The following SLC3A1 variants were observed in gnomAD, a reference collection of about 807,000 sequenced individuals.
SLC3A1 encodes amino acid transporter heavy chain SLC3A1.
A neutral mutation model predicts 60.3 loss-of-function variants in SLC3A1; 78 were observed. The ratio of observed to expected loss-of-function variants is 1.29; its 90% CI spans 1.08 to 1.56. SLC3A1 has a LOEUF of 1.56. SLC3A1 is among the 40% of genes most tolerant of loss of function. The pLI is 0.00. For missense variants in SLC3A1, 1,172 were observed against 858.9 expected (o/e 1.36, Z -4.56); for synonymous variants, 392 against 307.9 (o/e 1.27, Z -2.86).
At chr2:44,299,932 T>G (rs761568974) in intron 4 of SLC3A1, 39 bp from the exon 5 acceptor site, 2 of 1,610,092 alleles carry the variant, frequency 1.2e-6, no homozygotes, top group Non-Finnish European at 1.7e-6. Context: ...GATAATAACG[T>G]AGTTAATGTA....
At chr2:44,283,004 C>A (rs1223767985) in intron 3 of SLC3A1, among the ~76,000 whole-genome samples, 1 of 152,016 alleles carries the variant, frequency 6.6e-6, no homozygotes, top group African/African-American at 2.4e-5. Flanking sequence ...GATCTGAATT[C>A]AGATGTAACT....
intron 4 of SLC3A1, among the ~76,000 whole-genome samples, chr2:44,296,574 A>C (rs1249076945): frequency 1.3e-5 from 2 of 152,172 alleles, no homozygotes. Context: ...CTTAGGCATA[A>C]AAAATTGATT....
intron 8 of SLC3A1, 105 bp from the exon 9 acceptor site, chr2:44,313,730 G>T: frequency 5.1e-6 from 5 of 974,944 alleles, no homozygotes; most frequent in East Asian, 2.4e-5. Context: ...ACAAACACTA[G>T]CTAAGAACTA....
chr2:44,303,842 G>T (rs997995257), intron 6 of SLC3A1: 25 of 544,214 alleles, frequency 4.6e-5, no homozygotes, highest in Middle Eastern at 4.9e-4. Context: ...TTGGTTTTCT[G>T]TCCTTGTGAT....
At chr2:44,312,005 G>A (rs1672310456) in intron 7 of SLC3A1, among the ~76,000 whole-genome samples, 1 of 152,106 alleles carries the variant, frequency 6.6e-6, no homozygotes, top group African/African-American at 2.4e-5. Flanking sequence ...GAGTTGTCAG[G>A]TGATTTAAAT....
rs539472915 is a variant in SLC3A1 at position 44,291,267 on chromosome 2, C to T, written c.891+5110C>T. Among the ~76,000 whole-genome samples the T allele has an allele frequency of 2.6e-5, 4 of 152,296 alleles. No individual in the cohort carries two copies. The South Asian group carries it at 8.3e-4, about 32-fold the overall frequency. On this transcript the variant is annotated intron_variant, in intron 4 of 9. Coordinates refer to ENST00000260649, the MANE Select transcript of SLC3A1 (RefSeq NM_000341.4). ...ACCAGCTGGTTTACAGTTGGTTTAT[C>T]AGGCAGTAGATTTTTCCAGGCTCCT...
intron 3 of SLC3A1, chr2:44,285,615 A>G: frequency 4.4e-6 from 2 of 458,574 alleles, no homozygotes; most frequent in Admixed American, 2.7e-5. Flanking sequence ...TTAAATATTC[A>G]GTCTATCTGG....
At chr2:44,301,226 G>A in intron 6 of SLC3A1, 99 bp downstream of exon 6, 2 of 1,440,272 alleles carry the variant, frequency 1.4e-6, no homozygotes, top group Non-Finnish European at 1.9e-6. Flanking sequence ...AAGTAATAAT[G>A]TAACAAGCCT....
chr2:44,286,546 CGGTGCCTGTG>C (rs1164113073), intron 4 of SLC3A1, among the ~76,000 whole-genome samples: 2 of 145,994 alleles, frequency 1.4e-5, no homozygotes, highest in South Asian at 2.3e-4. Context: ...GTGAGCTGTG[CGGTGCCTGTG>C]ACGGTGAGCT....
chr2:44,318,296 T>C, intron 9 of SLC3A1: 1 of 262,484 alleles, frequency 3.8e-6, no homozygotes, highest in South Asian at 3.1e-5. Context: ...TTCACCATGT[T>C]GGCCAGGCTG....
intron 2 of SLC3A1, 88 bp downstream of exon 2, chr2:44,280,983 A>C: frequency 2.6e-6 from 3 of 1,138,450 alleles, no homozygotes; most frequent in Non-Finnish European, 4.0e-6. Flanking sequence ...TCTTCTCCTT[A>C]ACTGTCATAT....
rs1672921583 is a variant in SLC3A1, at chr2:44,321,349, C to G, written c.*710C>G. 6.3e-7 allele frequency: 1 copy of G among 1,590,472 alleles called. No homozygotes were observed. The highest frequency in any genetic ancestry group is 1.3e-5 in the African/African-American group (1 of 74,436). ...TGTGTTTCCAATTCCCAGTTGAATG[C>G]AGTGTTTCAGAATTTCAGGTATTTC... On this transcript the variant is annotated 3_prime_UTR_variant, in exon 10 of 10. Coordinates refer to ENST00000260649, the MANE Select transcript of SLC3A1 (RefSeq NM_000341.4).
In SLC3A1 at chr2:44,275,865, C is replaced by G. The variant is rs749428490; in HGVS notation, c.330C>G (p.Leu110=). The change falls in exon 1 of 10, where the codon CTC becomes CTG. Residue 110 remains leucine, a synonymous_variant. Transcript: ENST00000260649. ...LIAATIAIIA[L]SPKCLDWWQE... ...CGGCCACCATAGCCATCATTGCCCT[C>G]TCTCCAAAGTGCCTAGACTGGTGGC... The G allele has an allele frequency of 6.8e-6, 11 of 1,614,128 alleles. No individual in the cohort carries two copies. Among genetic ancestry groups the G allele is most frequent in the South Asian group, 3.3e-5 (3 of 91,092 alleles).
chr2:44,303,072 G>A (rs1358874610), intron 6 of SLC3A1, among the ~76,000 whole-genome samples: 2 of 151,428 alleles, frequency 1.3e-5, no homozygotes, highest in African/African-American at 4.9e-5. Flanking sequence ...GTGGTGGCGG[G>A]TGCCTGTAAT....
intron 6 of SLC3A1, among the ~76,000 whole-genome samples, chr2:44,303,319 C>A (rs1007777147): frequency 1.3e-5 from 2 of 149,476 alleles, no homozygotes; most frequent in African/African-American, 4.9e-5. Context: ...TCTCATCTCA[C>A]TGCAACCTTC....
At chr2:44,285,905 C>A in intron 3 of SLC3A1, 127 bp from the exon 4 acceptor site, 2 of 1,237,134 alleles carry the variant, frequency 1.6e-6, no homozygotes, top group Non-Finnish European at 2.4e-6. Context: ...TAACCTGCTG[C>A]TCTCTGTAGA....
At chr2:44,281,803 C>T (rs1671506343) in intron 3 of SLC3A1, among the ~76,000 whole-genome samples, 4 of 152,178 alleles carry the variant, frequency 2.6e-5, no homozygotes, top group Admixed American at 2.6e-4. Flanking sequence ...CCTTCCTTCA[C>T]TTCCTACCCG....
At chr2:44,314,106 T>TAA in intron 9 of SLC3A1, 155 bp downstream of exon 9, 1 of 1,519,616 alleles carries the variant, frequency 6.6e-7, no homozygotes, top group East Asian at 2.5e-5. Context: ...AAGGAGTTTG[T>TAA]AAATCATGCC....
intron 7 of SLC3A1, among the ~76,000 whole-genome samples, chr2:44,308,119 C>G (rs1672203078): frequency 6.6e-6 from 1 of 152,058 alleles, no homozygotes; most frequent in Non-Finnish European, 1.5e-5. Context: ...GCCTGGGTGA[C>G]AGAGTGAGAC....
Sources: gnomAD v4.1 joint callset for allele counts (sites outside exome capture counted in the v4.1 genomes callset) on GRCh38, gnomAD v4.1.1 for gene constraint, MANE v1.5 for transcripts, NCBI Gene and HGNC (gene_info 2026-07-23, HGNC 2026-07-21) for gene names.